ENTREP2: variants seen among roughly 807,000 people sequenced by gnomAD.
ENTREP2 encodes the protein protein ENTREP2.
At chr15:29,285,170 T>C in the ENTREP2 span, among the ~76,000 whole-genome samples, 1 of 152,200 alleles carries the variant, frequency 6.6e-6, no homozygotes, top group East Asian at 1.9e-4. Context: ...GGGGGCTCTT[T>C]AAGCTGTGGT....
the ENTREP2 span, among the ~76,000 whole-genome samples, chr15:29,664,003 G>T: frequency 6.6e-6 from 1 of 150,754 alleles, no homozygotes; most frequent in Non-Finnish European, 1.5e-5. Flanking sequence ...ACTCCAGCCT[G>T]GGCAACAAGA....
the ENTREP2 span, among the ~76,000 whole-genome samples, chr15:29,135,900 G>A: frequency 1.8e-3 from 277 of 151,528 alleles, no homozygotes; most frequent in African/African-American, 5.9e-3. This position sits in a 1 kb window ranked among gnomAD's most constrained non-coding sequence, Gnocchi z 7.4. Context: ...AGGCCGGGGC[G>A]CCCTGGGTAC....
At chr15:29,189,560 T>C in the ENTREP2 span, among the ~76,000 whole-genome samples, 1 of 152,178 alleles carries the variant, frequency 6.6e-6, no homozygotes, top group Non-Finnish European at 1.5e-5. Context: ...TGTGGCTCAG[T>C]AAATTAAACC....
At chr15:29,378,742 C>T in the ENTREP2 span, among the ~76,000 whole-genome samples, 1 of 151,918 alleles carries the variant, frequency 6.6e-6, no homozygotes. Context: ...TGTCTATATA[C>T]ATATACATAC....
the ENTREP2 span, among the ~76,000 whole-genome samples, chr15:29,125,951 G>C: frequency 6.6e-6 from 1 of 152,230 alleles, no homozygotes; most frequent in African/African-American, 2.4e-5. Flanking sequence ...GGGGTCATCT[G>C]TCCTGTGCCA....
the ENTREP2 span, among the ~76,000 whole-genome samples, chr15:29,482,399 G>A: frequency 1.3e-5 from 2 of 152,092 alleles, no homozygotes; most frequent in African/African-American, 2.4e-5. Flanking sequence ...TCTTGGTGTT[G>A]TACATTCTGT....
chr15:29,604,978 TATA>T, the ENTREP2 span, among the ~76,000 whole-genome samples: 2 of 152,188 alleles, frequency 1.3e-5, no homozygotes, highest in African/African-American at 4.8e-5. Context: ...CCGTGGTATT[TATA>T]GGAGTATTCA....
At chr15:29,202,598 C>T in the ENTREP2 span, among the ~76,000 whole-genome samples, 1 of 152,126 alleles carries the variant, frequency 6.6e-6, no homozygotes, top group African/African-American at 2.4e-5. Flanking sequence ...TTAAGCCCTG[C>T]ATGCATTAGG....
the ENTREP2 span, among the ~76,000 whole-genome samples, chr15:29,235,814 AT>A: frequency 6.6e-6 from 1 of 152,190 alleles, no homozygotes; most frequent in Non-Finnish European, 1.5e-5. Context: ...AAATACAAAC[AT>A]TAGCTGGGCA....
At chr15:29,625,794 T>C in the ENTREP2 span, among the ~76,000 whole-genome samples, 1 of 152,252 alleles carries the variant, frequency 6.6e-6, no homozygotes, top group Non-Finnish European at 1.5e-5. Context: ...CTCAACATCC[T>C]TGCCAAGATT....
the ENTREP2 span, chr15:29,234,849 T>C: frequency 8.4e-6 from 12 of 1,423,566 alleles, no homozygotes; most frequent in Non-Finnish European, 1.1e-5. Context: ...GCATTAGATA[T>C]GTTTGCTTGG....
At chr15:29,269,748 AGCC>A in the ENTREP2 span, 1 of 1,430,380 alleles carries the variant, frequency 7.0e-7, no homozygotes, top group Non-Finnish European at 9.1e-7. Context: ...GTAGGCAAGC[AGCC>A]GCGGCGGGGA....
the ENTREP2 span, among the ~76,000 whole-genome samples, chr15:29,465,091 T>C: frequency 6.6e-6 from 1 of 152,102 alleles, no homozygotes; most frequent in Non-Finnish European, 1.5e-5. Context: ...GGTTGGGAGC[T>C]GCCCAGGCCA....
At chr15:29,508,127 G>A in the ENTREP2 span, among the ~76,000 whole-genome samples, 3 of 152,116 alleles carry the variant, frequency 2.0e-5, no homozygotes, top group South Asian at 4.1e-4. Context: ...ACACCTCTAT[G>A]CGAATAAGCT....
At chr15:29,291,226 C>T in the ENTREP2 span, among the ~76,000 whole-genome samples, 4 of 152,312 alleles carry the variant, frequency 2.6e-5, no homozygotes, top group East Asian at 1.9e-4. Context: ...ACCTTTGCTA[C>T]GTTAAGCCAT....
At chr15:29,454,624 A>G in the ENTREP2 span, among the ~76,000 whole-genome samples, 2 of 152,100 alleles carry the variant, frequency 1.3e-5, no homozygotes, top group Admixed American at 1.3e-4. Flanking sequence ...AGATGGCCCC[A>G]ATGCCCCCCA....
At chr15:29,189,521 A>G in the ENTREP2 span, among the ~76,000 whole-genome samples, 10 of 151,742 alleles carry the variant, frequency 6.6e-5, no homozygotes, top group Non-Finnish European at 1.5e-4. Flanking sequence ...TTGTCCATTG[A>G]TAAGGTTTCT....
the ENTREP2 span, among the ~76,000 whole-genome samples, chr15:29,463,283 C>T: frequency 2.0e-5 from 3 of 152,122 alleles, no homozygotes; most frequent in African/African-American, 7.2e-5. Flanking sequence ...AGCACTGTGA[C>T]CACACACCTC....
chr15:29,196,661 CAGTTCA>C, the ENTREP2 span: 2 of 1,369,626 alleles, frequency 1.5e-6, no homozygotes, highest in Non-Finnish European at 2.0e-6. Context: ...GAAAATGGCT[CAGTTCA>C]AAGGAGCCTG....
Sources: allele counts gnomAD v4.1 joint callset (sites outside exome capture counted in the v4.1 genomes callset), GRCh38; gene constraint gnomAD v4.1.1; non-coding constraint Gnocchi (gnomAD v3.1); transcripts MANE v1.5; gene names NCBI Gene and HGNC (gene_info 2026-07-23, HGNC 2026-07-21).